The following ZNF529 variants were observed in gnomAD, a reference collection of about 807,000 sequenced individuals.
ZNF529 encodes zinc finger protein 529.
In ZNF529, 11 loss-of-function variants were observed where a neutral mutation model predicts 10.1. The ratio of observed to expected loss-of-function variants is 1.09; its 90% CI spans 0.69 to 1.81. ZNF529 has a LOEUF of 1.81. Ranked by LOEUF, ZNF529 falls within the 40% of genes most tolerant of loss-of-function variation. ZNF529 has a pLI of 0.00. For synonymous variants in ZNF529, 204 were observed against 215.7 expected (o/e 0.95, Z 0.47); for missense variants, 624 against 666.8 (o/e 0.94, Z 0.71).
intron 1 of ZNF529, among the ~76,000 whole-genome samples, chr19:36,591,650 G>A (rs1293113359): frequency 2.6e-5 from 4 of 151,824 alleles, no homozygotes; most frequent in African/African-American, 4.8e-5. Context: ...GTGTGAACCC[G>A]GGAGGCGGAG....
Position 36,558,284 on chromosome 19 carries a change from C to T in ZNF529, c.15-2087G>A, listed in dbSNP as rs76301361. Among the ~76,000 whole-genome samples the T allele has an allele frequency of 3.0e-3, 450 of 151,822 alleles. 2 individuals are homozygous for T. Among genetic ancestry groups the T allele is most frequent in the African/African-American group, 0.011 (436 of 41,372 alleles). On this transcript the variant is annotated intron_variant, in intron 2 of 4. Transcript: ENST00000591340. ...AAAGAAATAATGGATTTGAAATTCC[C>T]AAATTTATTGAAAAACATTAAACTG...
At chr19:36,549,737 A>G (rs957003263) in intron 4 of ZNF529, among the ~76,000 whole-genome samples, 1 of 152,232 alleles carries the variant, frequency 6.6e-6, no homozygotes, top group Non-Finnish European at 1.5e-5. Flanking sequence ...CTTCAACAGC[A>G]TATTTACATT....
rs1184062183 is a variant in ZNF529 at position 36,548,333 on chromosome 19, G to A, written c.236-11C>T. 1.0e-5 allele frequency: 15 copies of A among 1,493,328 alleles called. No homozygotes were observed. Among genetic ancestry groups the A allele is most frequent in the South Asian group, 4.0e-5 (3 of 74,908 alleles). The allele number at this position is 1,493,328 out of a possible 1,614,324, so 92.5% of individuals were successfully genotyped here. On this transcript the variant is annotated splice_polypyrimidine_tract_variant and intron_variant, in intron 4 of 4. Coordinates refer to ENST00000591340, the MANE Select transcript of ZNF529 (RefSeq NM_020951.5). ...TCCTGGACTCCAAATCTGAAAGAAA[G>A]GAAAAAATAATTTTCATGTACTACA...
chr19:36,598,003 TCCTGTAGATATCTATA>T (rs1162596881), intron 1 of ZNF529, among the ~76,000 whole-genome samples: 4 of 152,064 alleles, frequency 2.6e-5, no homozygotes, highest in African/African-American at 9.7e-5. Flanking sequence ...CATGCCACAT[TCCTGTAGATATCTATA>T]CTTAAAATGA....
At chr19:36,558,388 C>T (rs2912401) in intron 2 of ZNF529, among the ~76,000 whole-genome samples, 54,174 of 151,634 alleles carry the variant, frequency 0.36, 10,442 homozygotes, top group African/African-American at 0.52. Context: ...TATAAAAGCA[C>T]TGAAATCCAA....
rs140396513 is a variant in ZNF529, at chr19:36,566,066, T to C, written c.14+6267A>G. Among the ~76,000 whole-genome samples, 450 of 152,298 alleles carry C rather than the reference T, an allele frequency of 3.0e-3. 3 individuals are homozygous for C. Among genetic ancestry groups the C allele is most frequent in the African/African-American group, 0.01 (424 of 41,558 alleles). On this transcript the variant is annotated intron_variant, in intron 2 of 4. Coordinates refer to ENST00000591340, the MANE Select transcript of ZNF529 (RefSeq NM_020951.5). ...GTCTGGAATGTTTAAACCCTGCCTATTCCAAAGAAAGTTGTAGCCCTTGAC... is the reference window on the plus strand; with the variant it reads ...GTCTGGAATGTTTAAACCCTGCCTACTCCAAAGAAAGTTGTAGCCCTTGAC...
At chr19:36,577,143 G>A, upstream of ZNF529, 1 of 452,348 alleles carries the variant, frequency 2.2e-6, no homozygotes, top group Non-Finnish European at 4.4e-6. Flanking sequence ...TATTTTAGGT[G>A]GAGACAAGGT....
At chr19:36,598,577 A>G (rs2036876904) in intron 1 of ZNF529, among the ~76,000 whole-genome samples, 1 of 152,154 alleles carries the variant, frequency 6.6e-6, no homozygotes, top group Non-Finnish European at 1.5e-5. Flanking sequence ...ATGTGATTAA[A>G]ACTTTCAATA....
chr19:36,591,843 A>C (rs1402997332), intron 1 of ZNF529, among the ~76,000 whole-genome samples: 2 of 152,130 alleles, frequency 1.3e-5, no homozygotes, highest in African/African-American at 2.4e-5. Flanking sequence ...TCTTACACAC[A>C]CTTTTCCAGA....
At chr19:36,604,865 ACCTGCTGTGCACACACACCC>A (rs1222588046) in intron 1 of ZNF529, 5 of 151,852 alleles carry the variant, frequency 3.3e-5, no homozygotes, top group Admixed American at 6.6e-5. Flanking sequence ...CGGGCTGTGC[ACCTGCTGTGCACACACACCC>A]CCTGCTGTGC....
chr19:36,559,173 C>T (rs576643554), intron 2 of ZNF529, among the ~76,000 whole-genome samples: 11 of 152,286 alleles, frequency 7.2e-5, no homozygotes, highest in Admixed American at 2.6e-4. Context: ...AAGCCTTGTA[C>T]ACTGTCAGGG....
chr19:36,602,311 G>T (rs777025462), intron 1 of ZNF529, among the ~76,000 whole-genome samples: 1 of 152,156 alleles, frequency 6.6e-6, no homozygotes, highest in African/African-American at 2.4e-5. Context: ...CTCCCAAAGT[G>T]CTGGGATTAC....
chr19:36,554,724 T>C lies in ZNF529; in HGVS notation c.181A>G (p.Arg61Gly), dbSNP rs1342036239. 1 of 1,577,794 alleles carries C rather than the reference T, an allele frequency of 6.3e-7. No homozygotes were observed. The highest frequency in any genetic ancestry group is 1.8e-5 in the Admixed American group (1 of 54,546). Reference sequence around the variant, plus strand: ...ATCATCACATCCCAGTACAAGTTCCTCTGAGCAGAATCCAGATATTCCCAT... The same window carrying C: ...ATCATCACATCCCAGTACAAGTTCCCCTGAGCAGAATCCAGATATTCCCAT... ...EEWEYLDSAQ[R>G]NLYWDVMMEN... Residue 61 changes from arginine to glycine, a missense_variant, in exon 4 of 5, where the codon AGG becomes GGG. Coordinates refer to ENST00000591340, the MANE Select transcript of ZNF529 (RefSeq NM_020951.5).
In ZNF529 at chr19:36,546,989, T is replaced by C; in HGVS notation, c.1569A>G (p.Lys523=). The C allele has an allele frequency of 6.2e-7, 1 of 1,614,010 alleles. No homozygotes were observed. Among genetic ancestry groups the C allele is most frequent in the Non-Finnish European group, 8.5e-7 (1 of 1,179,952 alleles). ...TATCATCAGTATGAATGCGCTGATG[T>C]TTGGTAAAGGATGAACTATGTCTAA... ...KAFRHSSSFT[K]HQRIHTDDKP... Residue 523 remains lysine, a synonymous_variant, in exon 5 of 5, where the codon AAA becomes AAG. Coordinates refer to ENST00000591340, the MANE Select transcript of ZNF529 (RefSeq NM_020951.5).
chr19:36,549,808 T>A (rs940109938), intron 4 of ZNF529, among the ~76,000 whole-genome samples: 1 of 152,242 alleles, frequency 6.6e-6, no homozygotes, highest in Non-Finnish European at 1.5e-5. Flanking sequence ...TTACAGATAT[T>A]CCTTTCCATT....
At chr19:36,580,280 TAGA>T (rs1404632871) in intron 2 of ZNF529, 5 of 151,798 alleles carry the variant, frequency 3.3e-5, no homozygotes, top group African/African-American at 9.7e-5. Context: ...TTTTAATAAG[TAGA>T]AGGAGTACAG....
chr19:36,593,261 G>A (rs550974112), intron 1 of ZNF529, among the ~76,000 whole-genome samples: 1 of 152,106 alleles, frequency 6.6e-6, no homozygotes, highest in African/African-American at 2.4e-5. Flanking sequence ...CTGCACCCTC[G>A]ACCTCCCCAG....
chr19:36,589,201 GC>G (rs1267165099), intron 2 of ZNF529, among the ~76,000 whole-genome samples: 1 of 152,116 alleles, frequency 6.6e-6, no homozygotes, highest in Non-Finnish European at 1.5e-5. Flanking sequence ...CCAGCCATGA[GC>G]CACTGTAAAT....
chr19:36,578,342 G>A (rs1463254340), intron 2 of ZNF529, among the ~76,000 whole-genome samples: 2 of 103,768 alleles, frequency 1.9e-5, no homozygotes, highest in African/African-American at 7.6e-5. Flanking sequence ...GTCTCACTCT[G>A]TTGCCCAGGC....
Sources: allele counts gnomAD v4.1 joint callset (sites outside exome capture counted in the v4.1 genomes callset), GRCh38; gene constraint gnomAD v4.1.1; transcripts MANE v1.5; gene names NCBI Gene and HGNC (gene_info 2026-07-23, HGNC 2026-07-21).